The following ATAD2B variants were observed in gnomAD, a reference collection of about 807,000 sequenced individuals.
ATAD2B encodes the protein ATPase family AAA domain containing 2B.
Under a neutral mutation model 167.6 loss-of-function variants are expected in ATAD2B, and 40 were observed. That is an observed-to-expected ratio of 0.24 (90% CI 0.19 to 0.31). The LOEUF is 0.31. Ranked by LOEUF, ATAD2B falls within the 10% of genes least tolerant of loss-of-function variation. ATAD2B has a pLI of 1.00. For synonymous variants in ATAD2B, 579 were observed against 596.5 expected (o/e 0.97, Z 0.43); for missense variants, 1,242 against 1,757.2 (o/e 0.71, Z 5.24).
At chr2:23,688,596 C>T in the ATAD2B span, among the ~76,000 whole-genome samples, 2 of 152,088 alleles carry the variant, frequency 1.3e-5, no homozygotes, top group Non-Finnish European at 2.9e-5. Context: ...CTCTCCTGGG[C>T]ACCCCCACGC....
At chr2:23,794,919 T>G (rs1368553039) in intron 19 of ATAD2B, among the ~76,000 whole-genome samples, 1 of 152,156 alleles carries the variant, frequency 6.6e-6, no homozygotes, top group Admixed American at 6.5e-5. Flanking sequence ...TGGGGACTAT[T>G]GAACTACAAG....
At chr2:23,733,316 G>A in the ATAD2B span, among the ~76,000 whole-genome samples, 1 of 152,066 alleles carries the variant, frequency 6.6e-6, no homozygotes, top group Non-Finnish European at 1.5e-5. Flanking sequence ...TGTCCATTTT[G>A]AACATAAAAT....
At chr2:23,712,226 CA>C in the ATAD2B span, among the ~76,000 whole-genome samples, 50 of 152,298 alleles carry the variant, frequency 3.3e-4, 1 homozygote, top group African/African-American at 1.1e-3. Flanking sequence ...TTTTAAGGCA[CA>C]ATCCTCCTCC....
chr2:23,857,373 G>A (rs1301235608), intron 13 of ATAD2B, 42 bp downstream of exon 13: 3 of 1,135,174 alleles, frequency 2.6e-6, no homozygotes, highest in Non-Finnish European at 3.7e-6. Context: ...CCAAGTCAAT[G>A]CGTAAAAAAG....
intron 17 of ATAD2B, among the ~76,000 whole-genome samples, chr2:23,813,090 T>G (rs1267912381): frequency 6.6e-6 from 1 of 152,044 alleles, no homozygotes; most frequent in African/African-American, 2.4e-5. Context: ...CTGAACCCAC[T>G]ATGTTAAGAT....
In ATAD2B at chr2:23,880,705, C is replaced by G; in HGVS notation, c.835G>C (p.Glu279Gln). The G allele has an allele frequency of 6.2e-7, 1 of 1,610,742 alleles. No homozygotes were observed. The highest frequency in any genetic ancestry group is 1.1e-5 in the South Asian group (1 of 90,444). The stretch of plus-strand genomic sequence containing the variant: ...CTCAAATTATATGGTCTATCATTTT[C>G]TTCTCCTTCTGCCTCTTCAACTTCT... ...DIEVEEAEGE[E>Q]NDRPYNLRQR... The change falls in exon 7 of 28, where the codon GAA (glutamate) becomes CAA (glutamine). Residue 279 changes from glutamate to glutamine, a missense_variant. Around this residue, in one of 9 missense-constraint regions of ATAD2B, gnomAD observed 99 missense variants for 160.4 expected, o/e 0.62. Coordinates refer to ENST00000238789, the MANE Select transcript of ATAD2B (RefSeq NM_017552.4).
At chr2:23,873,854 T>C (rs1696373710) in intron 8 of ATAD2B, among the ~76,000 whole-genome samples, 1 of 152,198 alleles carries the variant, frequency 6.6e-6, no homozygotes, top group South Asian at 2.1e-4. Flanking sequence ...ACAAAAATAG[T>C]GGTATACATA....
chr2:23,752,179 T>C, intron 27 of ATAD2B, 92 bp from the exon 28 acceptor site: 6 of 904,522 alleles, frequency 6.6e-6, no homozygotes, highest in South Asian at 1.5e-5. Flanking sequence ...TTTTAGGGAA[T>C]GAATTTGAGA....
At chr2:23,921,592 G>A (rs958527386) in intron 1 of ATAD2B, among the ~76,000 whole-genome samples, 3 of 152,168 alleles carry the variant, frequency 2.0e-5, no homozygotes, top group East Asian at 1.9e-4. Flanking sequence ...ACTTCCACAG[G>A]CTTTATAAGT....
chr2:23,783,624 C>G (rs1680382960), intron 21 of ATAD2B, among the ~76,000 whole-genome samples: 1 of 152,014 alleles, frequency 6.6e-6, no homozygotes, highest in Admixed American at 6.6e-5. Context: ...ATAAAGAAAT[C>G]TACAAACAAA....
chr2:23,921,731 C>T (rs902925295), intron 1 of ATAD2B, among the ~76,000 whole-genome samples: 4 of 152,034 alleles, frequency 2.6e-5, no homozygotes, highest in African/African-American at 9.7e-5. Context: ...TGCTTTGGTT[C>T]GAAATTGTGG....
intron 22 of ATAD2B, among the ~76,000 whole-genome samples, chr2:23,773,489 T>A (rs969923616): frequency 9.2e-5 from 14 of 152,272 alleles, no homozygotes; most frequent in Admixed American, 7.8e-4. Flanking sequence ...ACCACTGCAT[T>A]CCAGACTAGG....
intron 17 of ATAD2B, among the ~76,000 whole-genome samples, chr2:23,817,896 T>C (rs1686692961): frequency 6.6e-6 from 1 of 152,104 alleles, no homozygotes; most frequent in African/African-American, 2.4e-5. Flanking sequence ...TGGCAGGAAA[T>C]GTCCTCAATA....
chr2:23,878,026 A>AAAAAAAAAAAAAAAAAAAAAGC (rs1553440562), intron 7 of ATAD2B, among the ~76,000 whole-genome samples: 1 of 129,230 alleles, frequency 7.7e-6, no homozygotes, highest in Non-Finnish European at 1.7e-5. Flanking sequence ...AAAAAAAAAA[A>AAAAAAAAAAAAAAAAAAAAAGC]AAAAAAAAAA....
intron 24 of ATAD2B, among the ~76,000 whole-genome samples, chr2:23,760,133 G>C (rs1290761719): frequency 6.6e-6 from 1 of 152,216 alleles, no homozygotes; most frequent in Non-Finnish European, 1.5e-5. Flanking sequence ...CTGCAGGATA[G>C]ACCTGGCTAA....
intron 1 of ATAD2B, among the ~76,000 whole-genome samples, chr2:23,924,510 T>C (rs1704432420): frequency 6.6e-6 from 1 of 152,170 alleles, no homozygotes; most frequent in Non-Finnish European, 1.5e-5. Context: ...ATAAACTTAA[T>C]AAATTCAGAA....
At chr2:23,776,587 AC>A (rs1679167670) in intron 22 of ATAD2B, among the ~76,000 whole-genome samples, 1 of 152,096 alleles carries the variant, frequency 6.6e-6, no homozygotes, top group Non-Finnish European at 1.5e-5. Context: ...TATTCTCCAG[AC>A]TTGTTTTTTT....
At chr2:23,920,727 T>C (rs942645887) in intron 1 of ATAD2B, among the ~76,000 whole-genome samples, 3 of 152,160 alleles carry the variant, frequency 2.0e-5, no homozygotes, top group South Asian at 4.1e-4. Context: ...ATCTAACTTA[T>C]ATTTAAATGA....
intron 18 of ATAD2B, among the ~76,000 whole-genome samples, chr2:23,802,497 T>C (rs945927546): frequency 1.5e-4 from 23 of 152,208 alleles, no homozygotes; most frequent in African/African-American, 5.3e-4. Flanking sequence ...TTCTGAACTA[T>C]GGTAGTAACA....
Sources: gnomAD v4.1 joint callset for allele counts (sites outside exome capture counted in the v4.1 genomes callset) on GRCh38, gnomAD v4.1.1 for gene constraint, gnomAD v4.1.1 regional missense constraint, MANE v1.5 for transcripts, NCBI Gene and HGNC (gene_info 2026-07-23, HGNC 2026-07-21) for gene names.